The following COL19A1 variants were observed in gnomAD, a reference collection of about 807,000 sequenced individuals.
COL19A1 encodes collagen type XIX alpha 1 chain.
In COL19A1, 159 loss-of-function variants were observed where a neutral mutation model predicts 190.2. That is an observed-to-expected ratio of 0.84 (90% CI 0.73 to 0.95). COL19A1 has a LOEUF of 0.95. Among genes scored for constraint, COL19A1 ranks in the 40% least tolerant of loss-of-function variants. The pLI is 0.00. For missense variants in COL19A1, 1,418 were observed against 1,431.9 expected, an observed-to-expected ratio of 0.99 and a Z score of 0.16; for synonymous variants, 509 against 458.9, an observed-to-expected ratio of 1.11 and a Z score of -1.39.
At chr6:70,158,063 A>G (rs1181574016) in intron 34 of COL19A1, among the ~76,000 whole-genome samples, 1 of 152,066 alleles carries the variant, frequency 6.6e-6, no homozygotes, top group African/African-American at 2.4e-5. Flanking sequence ...CACAATTCTC[A>G]TTACATGGGG....
Position 69,959,981 on chromosome 6 carries a change from G to A in COL19A1, c.937-15G>A. ...CTTTATGGATCATAAACATTATTCT[G>A]TGTACTTCTTTTAGGGTGAAAATGG... On this transcript the variant is annotated splice_polypyrimidine_tract_variant and intron_variant, in intron 9 of 50. Coordinates refer to ENST00000620364, the MANE Select transcript of COL19A1 (RefSeq NM_001858.6). 6.2e-7 allele frequency: 1 copy of A among 1,611,854 alleles called. No homozygotes were observed. Among genetic ancestry groups the A allele is most frequent in the South Asian group, 1.1e-5 (1 of 90,670 alleles).
intron 15 of COL19A1, among the ~76,000 whole-genome samples, chr6:70,100,179 T>C (rs1338901801): frequency 6.6e-6 from 1 of 152,192 alleles, no homozygotes; most frequent in African/African-American, 2.4e-5. Flanking sequence ...TAATGTATGC[T>C]TAAGGAAAGA....
At chr6:70,130,071 C>T in intron 17 of COL19A1, 111 bp from the exon 18 acceptor site, 4 of 1,022,580 alleles carry the variant, frequency 3.9e-6, no homozygotes. Flanking sequence ...ACCTAGTATC[C>T]ATAAAAAGCG....
intron 12 of COL19A1, among the ~76,000 whole-genome samples, chr6:70,026,631 C>G (rs914866934): frequency 6.7e-6 from 1 of 149,894 alleles, no homozygotes; most frequent in Admixed American, 6.8e-5. Context: ...TCCTCTTTCC[C>G]CTCTATCACT....
Position 70,141,950 on chromosome 6 carries a change from A to G in COL19A1, c.1518+22A>G, listed in dbSNP as rs368342786. 2.9e-5 allele frequency: 46 copies of G among 1,609,928 alleles called. No homozygotes were observed. The East Asian group carries it at 6.0e-4, about 21-fold the overall frequency. ...AAAGGTAATTTCCTGGCATTCTTCA[A>G]TTTCCTCTCCAACCTTAATGAGATT... On this transcript the variant is annotated intron_variant, in intron 21 of 50. Transcript: ENST00000620364.
chr6:70,140,623 T>C (rs1227335024), intron 19 of COL19A1, among the ~76,000 whole-genome samples: 2 of 152,110 alleles, frequency 1.3e-5, no homozygotes, highest in African/African-American at 2.4e-5. Context: ...TCACATTCAA[T>C]TGGATGTGTG....
chr6:70,151,364 T>C (rs1190482802), intron 30 of COL19A1, 33 bp from the exon 31 acceptor site: 2 of 1,604,594 alleles, frequency 1.2e-6, no homozygotes. Flanking sequence ...CATATATAAA[T>C]GCATGTATTT....
chr6:70,101,682 G>C (rs1156653611), intron 15 of COL19A1, among the ~76,000 whole-genome samples: 2 of 152,018 alleles, frequency 1.3e-5, no homozygotes, highest in Admixed American at 1.3e-4. Flanking sequence ...TCGTGGCTCC[G>C]ACCCCCGGGA....
At chr6:69,871,667 G>C (rs1188880056) in intron 1 of COL19A1, among the ~76,000 whole-genome samples, 1 of 151,968 alleles carries the variant, frequency 6.6e-6, no homozygotes, top group Non-Finnish European at 1.5e-5. Flanking sequence ...CTAACACCAA[G>C]TTTCAAAGAT....
intron 48 of COL19A1, among the ~76,000 whole-genome samples, chr6:70,192,464 CTTCT>C (rs1488548479): frequency 4.7e-5 from 7 of 149,406 alleles, no homozygotes; most frequent in East Asian, 2.0e-4. Flanking sequence ...ATTCTTTCTT[CTTCT>C]TTCTTTCTTT....
intron 4 of COL19A1, among the ~76,000 whole-genome samples, chr6:69,919,466 A>G (rs1480250242): frequency 6.6e-6 from 1 of 152,152 alleles, no homozygotes; most frequent in Non-Finnish European, 1.5e-5. Flanking sequence ...GAGTGATCAA[A>G]TGCTTCCTCT....
intron 3 of COL19A1, among the ~76,000 whole-genome samples, chr6:69,899,441 C>T (rs1232732509): frequency 3.9e-5 from 6 of 152,098 alleles, no homozygotes; most frequent in African/African-American, 1.4e-4. Flanking sequence ...GCGTGAGCCA[C>T]CATGCCCGAC....
rs533995110 is a variant in COL19A1, at chr6:70,211,406, CAA to C, written c.*4133_*4134del. ...TCTGTATCCACCTTCTGAAGACACA[CAA>C]GTGTTTACTGTCGCAGTTTCCCAGC... On this transcript the variant is annotated 3_prime_UTR_variant, in exon 51 of 51. Coordinates refer to ENST00000620364, the MANE Select transcript of COL19A1 (RefSeq NM_001858.6). 2.6e-3 allele frequency among the ~76,000 whole-genome samples: 389 copies of C among 151,986 alleles called. 4 individuals are homozygous for C. The highest frequency in any genetic ancestry group is 9.1e-3 in the African/African-American group (376 of 41,454).
intron 11 of COL19A1, among the ~76,000 whole-genome samples, chr6:69,996,511 A>G (rs1776912733): frequency 6.6e-6 from 1 of 152,132 alleles, no homozygotes; most frequent in Non-Finnish European, 1.5e-5. Flanking sequence ...TTAGGAAAGA[A>G]TTTCTTATTT....
chr6:69,908,476 ATC>A (rs1718255488), intron 4 of COL19A1, among the ~76,000 whole-genome samples: 1 of 152,208 alleles, frequency 6.6e-6, no homozygotes, highest in Non-Finnish European at 1.5e-5. Context: ...CATACCAAGA[ATC>A]TGAGGTTAGT....
chr6:70,099,893 A>AGGCT lies in COL19A1; in HGVS notation c.1225-2270_1225-2267dup, dbSNP rs1307649270. 7.9e-5 allele frequency among the ~76,000 whole-genome samples: 12 copies of AGGCT among 152,314 alleles called. No homozygotes were observed. In the South Asian group the frequency reaches 2.1e-3, roughly 26 times the overall value. On this transcript the variant is annotated intron_variant, in intron 15 of 50. Transcript: ENST00000620364. ...ACACTCTGACACTCTGACAATGGCA[A>AGGCT]GGCTGGCTGAAATCAGCAGTGAAGT...
intron 12 of COL19A1, among the ~76,000 whole-genome samples, chr6:70,031,414 T>C (rs1779066494): frequency 6.6e-6 from 1 of 152,150 alleles, no homozygotes; most frequent in Non-Finnish European, 1.5e-5. Flanking sequence ...TCTACCTTAC[T>C]GTATGCTTGT....
chr6:70,180,651 T>C (rs1337575485), intron 44 of COL19A1, 128 bp downstream of exon 44: 8 of 943,216 alleles, frequency 8.5e-6, no homozygotes, highest in Non-Finnish European at 1.3e-5. Context: ...AATGCACAGA[T>C]GGATTTTTGA....
In COL19A1 at chr6:69,892,763, G is replaced by C. The variant is rs117507141; in HGVS notation, c.92-6185G>C. Among the ~76,000 whole-genome samples, 898 of 152,280 alleles carry C rather than the reference G, an allele frequency of 5.9e-3. 25 individuals are homozygous for C. In the East Asian group the frequency reaches 0.076, roughly 13 times the overall value. On this transcript the variant is annotated intron_variant, in intron 2 of 50. Transcript: ENST00000620364. ...AGGAACCCTGTACAGGAACTGTGTA[G>C]ACAAGGGTATGAGGCAACTGGGCTT...
Sources: allele counts gnomAD v4.1 joint callset (sites outside exome capture counted in the v4.1 genomes callset), GRCh38; gene constraint gnomAD v4.1.1; transcripts MANE v1.5; gene names NCBI Gene and HGNC (gene_info 2026-07-23, HGNC 2026-07-21).